Variants in SLFN5 observed in about 807,000 individuals in gnomAD.
The protein encoded by SLFN5 is schlafen family member 5.
A neutral mutation model predicts 48.5 loss-of-function variants in SLFN5; 34 were observed. The ratio of observed to expected loss-of-function variants is 0.70; its 90% confidence interval spans 0.53 to 0.93. The LOEUF (loss-of-function observed/expected upper bound fraction) is 0.93. Among genes scored for constraint, SLFN5 ranks in the 40% least tolerant of loss-of-function variants. The pLI, the probability that SLFN5 is intolerant of heterozygous loss-of-function variation, is 0.00. For missense variants in SLFN5, 1,006 were observed against 1,071.3 expected, an observed-to-expected ratio of 0.94 and a Z score of 0.85; for synonymous variants, 387 against 396.2, an observed-to-expected ratio of 0.98 and a Z score of 0.28.
intron 1 of SLFN5, among the ~76,000 whole-genome samples, chr17:35,246,590 C>A (rs2092431219): frequency 6.6e-6 from 1 of 152,144 alleles, no homozygotes; most frequent in Non-Finnish European, 1.5e-5. Context: ...TGCAGTGGCT[C>A]ATGCCTGTAA....
Position 35,272,818 on chromosome 17 carries a change from TCA to T in SLFN5, c.*6931_*6932del, listed in dbSNP as rs1365528044. 6.6e-6 allele frequency: 1 copy of T among 152,228 alleles called. No individual in the cohort carries two copies. The highest frequency in any genetic ancestry group is 1.5e-5 in the Non-Finnish European group (1 of 68,030). The allele number at this position is 152,228 out of a possible 1,614,324, so 9.4% of individuals were successfully genotyped here. On this transcript the variant is annotated 3_prime_UTR_variant, in exon 5 of 5. Coordinates refer to ENST00000299977, the MANE Select transcript of SLFN5 (RefSeq NM_144975.4). ...CAGAAGTATCAATTGACAAAATTAC[TCA>T]GATTGGTAACAAACTTTAAGGGGGA...
Position 35,248,958 on chromosome 17 carries a change from T to TA in SLFN5, c.-41+5823dup, listed in dbSNP as rs1412420787. ...CTTTCCATAGTAAATCCGAGGGTTT[T>TA]AAAAAAAAGGATCCAAAAAGTAAGG... On this transcript the variant is annotated intron_variant, in intron 1 of 4. Coordinates refer to ENST00000299977, the MANE Select transcript of SLFN5 (RefSeq NM_144975.4). Among the ~76,000 whole-genome samples the TA allele has an allele frequency of 4.6e-5, 7 of 151,800 alleles. No individual in the cohort carries two copies. In the South Asian group the frequency reaches 6.2e-4, roughly 14 times the overall value.
chr17:35,264,489 G>A lies in SLFN5; in HGVS notation c.1445G>A (p.Gly482Asp), dbSNP rs758328438. ...YSLKQKLVNK[G>D]GYTGRLCITP... ...TTGAAGCAGAAGCTGGTGAACAAAG[G>A]CGGCTACACTGGGAGGTTATGCATC... Residue 482 changes from glycine (G) to aspartate (D), a missense_variant, in exon 4 of 5, where the codon GGC becomes GAC. By Grantham distance (94) the Gly-to-Asp change is moderately conservative. Transcript: ENST00000299977. 1.2e-6 allele frequency: 2 copies of A among 1,614,098 alleles called. No individual in the cohort carries two copies. Among genetic ancestry groups the A allele is most frequent in the Non-Finnish European group, 1.7e-6 (2 of 1,179,986 alleles).
chr17:35,266,107 G>A lies in SLFN5; in HGVS notation c.*219G>A, dbSNP rs915603396. 1 of 502,738 alleles carries A rather than the reference G, an allele frequency of 2.0e-6. No homozygotes were observed. The allele number at this position is 502,738 out of a possible 1,614,324, so 31.1% of individuals were successfully genotyped here. The stretch of plus-strand genomic sequence containing the variant: ...ACAAGGAATTTCCCATGGTAAAAAG[G>A]GATATCAGTAATTAGAGGACCGTGA... On this transcript the variant is annotated 3_prime_UTR_variant, in exon 5 of 5. Transcript: ENST00000299977.
At chr17:35,246,315 G>T (rs1233911983) in intron 1 of SLFN5, among the ~76,000 whole-genome samples, 1 of 151,784 alleles carries the variant, frequency 6.6e-6, no homozygotes, top group East Asian at 1.9e-4. Context: ...TTTACTTTAA[G>T]TTCAGGAGTA....
chr17:35,244,652 G>A (rs1157703127), intron 1 of SLFN5, among the ~76,000 whole-genome samples: 1 of 152,256 alleles, frequency 6.6e-6, no homozygotes, highest in Admixed American at 6.5e-5. Context: ...GAGGCCGGGC[G>A]CCGTGGCTTA....
rs775658427 is a variant in SLFN5 at position 35,259,649 on chromosome 17, T to G, written c.959T>G (p.Val320Gly). 8 of 1,602,218 alleles carry G rather than the reference T, an allele frequency of 5.0e-6. No homozygotes were observed. In the African/African-American group the frequency reaches 9.3e-5, roughly 19 times the overall value. ...PSSWQVKDNR[V>G]RQLPTREWTA... ...TCCTGGCAGGTGAAGGACAACCGTGTGAGACAATTGCCCACAAGAGAATGG... is the reference window on the plus strand; with the variant it reads ...TCCTGGCAGGTGAAGGACAACCGTGGGAGACAATTGCCCACAAGAGAATGG... Residue 320 changes from valine to glycine, a missense_variant, in exon 2 of 5, where the codon GTG (valine) becomes GGG (glycine). Transcript: ENST00000299977.
chr17:35,257,689 C>T (rs1904385624), intron 1 of SLFN5, among the ~76,000 whole-genome samples: 1 of 151,934 alleles, frequency 6.6e-6, no homozygotes, highest in African/African-American at 2.4e-5. Context: ...CTCACAGAAA[C>T]ACAGCTAGGA....
rs1038916739 is a variant in SLFN5 at position 35,271,169 on chromosome 17, T to C, written c.*5281T>C. 6.6e-6 allele frequency: 1 copy of C among 152,188 alleles called. No individual in the cohort carries two copies. The highest frequency in any genetic ancestry group is 2.4e-5 in the African/African-American group (1 of 41,434). 9.4% of individuals were successfully genotyped at this position (152,188 alleles called of 1,614,324 possible). On this transcript the variant is annotated 3_prime_UTR_variant, in exon 5 of 5. Transcript: ENST00000299977. ...GGGCAAAATAAATAGATTTTCTGAC[T>C]TGGAACAAGTAGGAATAATGTACTT... is the stretch of plus-strand genomic sequence containing the variant.
chr17:35,262,379 CAA>C (rs559686060), intron 3 of SLFN5, among the ~76,000 whole-genome samples: 18 of 51,218 alleles, frequency 3.5e-4, no homozygotes, highest in Non-Finnish European at 3.7e-4. Context: ...GACTCCATCT[CAA>C]AAAAAAAAAA....
intron 3 of SLFN5, among the ~76,000 whole-genome samples, chr17:35,263,022 A>G (rs967941226): frequency 1.3e-5 from 2 of 152,174 alleles, no homozygotes; most frequent in Non-Finnish European, 2.9e-5. Flanking sequence ...AGGTGTTAAG[A>G]TGGCACTCTA....
chr17:35,269,437 C>A lies in SLFN5; in HGVS notation c.*3549C>A, dbSNP rs949815663. 7.2e-5 allele frequency: 11 copies of A among 151,910 alleles called. No homozygotes were observed. Among genetic ancestry groups the A allele is most frequent in the Admixed American group, 7.2e-4 (11 of 15,252 alleles). 9.4% of individuals were successfully genotyped at this position (151,910 alleles called of 1,614,324 possible). A position where few individuals can be genotyped will look rare whatever the true frequency, so the allele number is the denominator to read the frequency against. On this transcript the variant is annotated 3_prime_UTR_variant, in exon 5 of 5. Transcript: ENST00000299977. ...TCACAAAGTAAAAATATTTTTATAT[C>A]AGATAGATTCTTCTGTTTCAATCCA...
At position 35,259,254 on chromosome 17, in the gene SLFN5, C is replaced by G; in HGVS notation, c.564C>G (p.Asn188Lys). The G allele has an allele frequency of 2.5e-6, 4 of 1,614,134 alleles. No homozygotes were observed. The highest frequency in any genetic ancestry group is 3.4e-6 in the Non-Finnish European group (4 of 1,180,034). Residue 188 changes from asparagine (N) to lysine (K), a missense_variant, in exon 2 of 5, where the codon AAC becomes AAG. Transcript: ENST00000299977. ...RKRLQYLEKLNLPESTHVEFV... is the reference protein window; with the variant it reads ...RKRLQYLEKLKLPESTHVEFV... ...GGCTTCAGTATCTGGAAAAACTCAA[C>G]CTTCCTGAGTCCACACATGTTGAAT... is the stretch of plus-strand genomic sequence containing the variant.
In SLFN5 at chr17:35,261,024, C is replaced by T. The variant is rs1176540809; in HGVS notation, c.1066C>T (p.Pro356Ser). 25 of 1,613,880 alleles carry T rather than the reference C, an allele frequency of 1.5e-5. No homozygotes were observed. The highest frequency in any genetic ancestry group is 4.0e-5 in the African/African-American group (3 of 74,902). The change falls in exon 3 of 5, where the codon CCC becomes TCC. Residue 356 changes from proline (P) to serine (S), a missense_variant. Pro to Ser is a moderately conservative substitution (Grantham distance 74). Coordinates refer to ENST00000299977, the MANE Select transcript of SLFN5 (RefSeq NM_144975.4). Reference protein sequence around the residue: ...VLQLSLSSATPRSKPVCIHKN... With the variant: ...VLQLSLSSATSRSKPVCIHKN... ...CCAGTTGAGTTTGTCATCTGCCACG[C>T]CCCGCAGCAAGCCTGTGTGCATTCA... is the stretch of plus-strand genomic sequence containing the variant.
intron 1 of SLFN5, among the ~76,000 whole-genome samples, chr17:35,249,688 T>C (rs764791277): frequency 2.0e-5 from 3 of 152,188 alleles, no homozygotes; most frequent in East Asian, 1.9e-4. Context: ...TTTGATATCA[T>C]GCCTATGAGT....
At chr17:35,251,736 C>CA (rs1198612609) in intron 1 of SLFN5, among the ~76,000 whole-genome samples, 2 of 109,520 alleles carry the variant, frequency 1.8e-5, no homozygotes, top group Non-Finnish European at 3.5e-5. Context: ...TTTTTAAAGA[C>CA]AGAGTCTTGT....
intron 4 of SLFN5, 27 bp downstream of exon 4, chr17:35,264,930 A>G (rs759401016): frequency 3.2e-5 from 49 of 1,539,006 alleles, no homozygotes; most frequent in Non-Finnish European, 4.1e-5. Context: ...TGTTCACTTT[A>G]TTTTCTTGAG....
chr17:35,261,246 T>C, intron 3 of SLFN5, 150 bp downstream of exon 3: 1 of 840,646 alleles, frequency 1.2e-6, no homozygotes, highest in Non-Finnish European at 1.7e-6. Flanking sequence ...TAGTAGAAAG[T>C]GTATATGAAT....
rs1485472141 is a variant in SLFN5 at position 35,269,897 on chromosome 17, A to AAT, written c.*4012_*4013dup. The AAT allele has an allele frequency of 6.6e-6, 1 of 152,212 alleles. No homozygotes were observed. The highest frequency in any genetic ancestry group is 2.4e-5 in the African/African-American group (1 of 41,454). The allele number at this position is 152,212 out of a possible 1,614,324, so 9.4% of individuals were successfully genotyped here. A position where few individuals can be genotyped will look rare whatever the true frequency, so the allele number is the denominator to read the frequency against. On this transcript the variant is annotated 3_prime_UTR_variant, in exon 5 of 5. Transcript: ENST00000299977. ...TAGGGAGTGGGGAAGTCTGAGTGCT[A>AAT]ATATGGATTTCAAAACAACTTTAAA...
Sources: gnomAD v4.1 joint callset for allele counts (sites outside exome capture counted in the v4.1 genomes callset) on GRCh38, gnomAD v4.1.1 for gene constraint, MANE v1.5 for transcripts, NCBI Gene and HGNC (gene_info 2026-07-23, HGNC 2026-07-21) for gene names.